Variants in MMP26 observed in about 807,000 individuals in gnomAD.
MMP26 encodes the protein matrix metalloproteinase-26.
Under a neutral mutation model 31.0 loss-of-function variants are expected in MMP26, and 33 were observed. The observed-to-expected ratio is 1.06, with a 90% CI of 0.81 to 1.42. The LOEUF is 1.42. MMP26 is among the 40% of genes most tolerant of loss of function. The probability of loss-of-function intolerance (pLI) is 0.00; values close to 1 mark genes in which losing one functional copy is unlikely to be tolerated. For synonymous variants in MMP26, 122 were observed against 114.9 expected (o/e 1.06, Z -0.40); for missense variants, 347 against 316.1 (o/e 1.10, Z -0.74).
At chr11:4,783,065 C>A (rs1268862835) in intron 2 of MMP26, among the ~76,000 whole-genome samples, 1 of 152,206 alleles carries the variant, frequency 6.6e-6, no homozygotes, top group Non-Finnish European at 1.5e-5. Flanking sequence ...CCACACAGAG[C>A]CCCTACTGGG....
At chr11:4,851,050 C>A (rs1334957547) in intron 2 of MMP26, among the ~76,000 whole-genome samples, 13 of 152,102 alleles carry the variant, frequency 8.5e-5, no homozygotes, top group Non-Finnish European at 1.9e-4. Context: ...GCTAACACAT[C>A]CTCTCCCCTA....
intron 2 of MMP26, among the ~76,000 whole-genome samples, chr11:4,772,853 T>C (rs1688401021): frequency 1.3e-5 from 2 of 152,164 alleles, no homozygotes; most frequent in African/African-American, 4.8e-5. Context: ...ACCAGTAATT[T>C]GTTCCTCACT....
At chr11:4,888,751 G>A (rs1850577475) in intron 2 of MMP26, among the ~76,000 whole-genome samples, 1 of 152,150 alleles carries the variant, frequency 6.6e-6, no homozygotes, top group South Asian at 2.1e-4. Flanking sequence ...TTATTTCATT[G>A]TTAAGGAAGG....
intron 2 of MMP26, chr11:4,803,968 A>T (rs1224831774): frequency 6.2e-7 from 1 of 1,613,560 alleles, no homozygotes; most frequent in Non-Finnish European, 8.5e-7. Flanking sequence ...TGGGGTCAGG[A>T]TGCTAGAGTG....
At chr11:4,880,094 G>T (rs192122251) in intron 2 of MMP26, among the ~76,000 whole-genome samples, 1 of 152,196 alleles carries the variant, frequency 6.6e-6, no homozygotes, top group East Asian at 1.9e-4. Context: ...GGTAAGTCTC[G>T]GAGATGTGTC....
At chr11:4,808,410 T>C (rs1849306472) in intron 2 of MMP26, among the ~76,000 whole-genome samples, 1 of 152,088 alleles carries the variant, frequency 6.6e-6, no homozygotes, top group South Asian at 2.1e-4. Context: ...CCAGGATCCC[T>C]GCTACTTCAC....
intron 2 of MMP26, chr11:4,849,025 C>T (rs527640209): frequency 1.2e-5 from 20 of 1,613,968 alleles, no homozygotes; most frequent in African/African-American, 5.3e-5. Context: ...CGGTGCAGGG[C>T]GGGCTGCAGG....
In MMP26 at chr11:4,821,825, C is replaced by T. The variant is rs780465659; in HGVS notation, c.-145+54484C>T. 1.4e-5 allele frequency: 23 copies of T among 1,612,966 alleles called. No individual in the cohort carries two copies. The Admixed American group carries it at 2.7e-4, about 19-fold the overall frequency. On this transcript the variant is annotated intron_variant, in intron 2 of 7. Transcript: ENST00000380390. ...GCCATCTGTTACCCACTGAGATACA[C>T]TACCATCCTTACCAATGCCCGAATT...
chr11:4,782,708 G>A (rs1848880892), intron 2 of MMP26, among the ~76,000 whole-genome samples: 1 of 152,302 alleles, frequency 6.6e-6, no homozygotes, highest in African/African-American at 2.4e-5. Flanking sequence ...TGAAGGTTTA[G>A]GAGGAAAAAG....
chr11:4,730,728 A>G (rs994142370), intron 1 of MMP26, among the ~76,000 whole-genome samples: 1 of 152,150 alleles, frequency 6.6e-6, no homozygotes, highest in Non-Finnish European at 1.5e-5. Context: ...CATACTGATG[A>G]GATTATGAAA....
chr11:4,914,526 C>A, intron 2 of MMP26: 15 of 508,912 alleles, frequency 2.9e-5, no homozygotes, highest in South Asian at 1.1e-4. Flanking sequence ...TAAAATTTAC[C>A]ACATCATATT....
chr11:4,825,896 T>C (rs1849572446), intron 2 of MMP26, among the ~76,000 whole-genome samples: 1 of 152,066 alleles, frequency 6.6e-6, no homozygotes, highest in Non-Finnish European at 1.5e-5. Flanking sequence ...CAGGGTTCAA[T>C]CAAAAGACAG....
At chr11:4,815,242 A>G (rs1771896700) in intron 2 of MMP26, among the ~76,000 whole-genome samples, 1 of 152,112 alleles carries the variant, frequency 6.6e-6, no homozygotes, top group African/African-American at 2.4e-5. Context: ...TCAGATGTGC[A>G]TTTGTCTCAG....
intron 2 of MMP26, among the ~76,000 whole-genome samples, chr11:4,826,167 C>T (rs904326752): frequency 1.3e-5 from 2 of 152,058 alleles, no homozygotes; most frequent in African/African-American, 4.8e-5. Context: ...CAGGAAAGGC[C>T]TTCCGTAAGA....
rs148287465 is a variant in MMP26 at position 4,931,197 on chromosome 11, C to A, written c.-144-56871C>A. Among the ~76,000 whole-genome samples, 23 of 152,112 alleles carry A rather than the reference C, an allele frequency of 1.5e-4. No individual in the cohort carries two copies. The East Asian group carries it at 4.5e-3, about 29-fold the overall frequency. On this transcript the variant is annotated intron_variant, in intron 2 of 7. Transcript: ENST00000380390. Reference sequence around the variant, plus strand: ...TCTATGACTGGATGAGTATGAAGAGCAAAGTGAGACAGGGTTCTGGAAGGG... The same window carrying A: ...TCTATGACTGGATGAGTATGAAGAGAAAAGTGAGACAGGGTTCTGGAAGGG...
chr11:4,811,627 C>G (rs530139254), intron 2 of MMP26, among the ~76,000 whole-genome samples: 1 of 152,134 alleles, frequency 6.6e-6, no homozygotes, highest in Admixed American at 6.5e-5. Flanking sequence ...ATATTGGAAG[C>G]AGAATAAAAT....
intron 2 of MMP26, among the ~76,000 whole-genome samples, chr11:4,798,066 T>G (rs1030709386): frequency 1.2e-4 from 19 of 152,210 alleles, no homozygotes; most frequent in Non-Finnish European, 1.6e-4. Flanking sequence ...GTGGGAAATA[T>G]TAGGGCTGGC....
intron 2 of MMP26, among the ~76,000 whole-genome samples, chr11:4,977,914 AC>A: frequency 6.6e-6 from 1 of 152,054 alleles, no homozygotes; most frequent in African/African-American, 2.4e-5. Context: ...TTGTGTCCCC[AC>A]CCAAATCTCA....
chr11:4,907,395 T>A (rs767130370), intron 2 of MMP26: 2 of 1,613,570 alleles, frequency 1.2e-6, no homozygotes. Context: ...AACTCCGAAG[T>A]CAAGCTTTTC....
Sources: allele counts gnomAD v4.1 joint callset (sites outside exome capture counted in the v4.1 genomes callset), GRCh38; gene constraint gnomAD v4.1.1; transcripts MANE v1.5; gene names NCBI Gene and HGNC (gene_info 2026-07-23, HGNC 2026-07-21).